Variants in TIPIN observed in about 807,000 individuals in gnomAD.
The protein encoded by TIPIN is TIMELESS-interacting protein.
In TIPIN, 29 loss-of-function variants were observed where a neutral mutation model predicts 35.6. The observed-to-expected ratio is 0.82, with a 90% confidence interval of 0.61 to 1.11. The LOEUF is 1.11. TIPIN is among the 50% of genes most tolerant of loss of function. The pLI is 0.00. For synonymous variants in TIPIN, 102 were observed against 121.5 expected (o/e 0.84, Z 1.06); for missense variants, 296 against 345.4 (o/e 0.86, Z 1.13).
chr15:66,383,760 G>A lies in TIPIN; in HGVS notation c.-9+2847C>T, dbSNP rs1292113283. On this transcript the variant is annotated intron_variant, in intron 1 of 7. Transcript: ENST00000562124. ...AGCAGCAGATATGTAGGATGAAGAA[G>A]TCTAGAGATCTAATGTACAACATGA... 5 of 179,446 alleles carry A rather than the reference G, an allele frequency of 2.8e-5. 1 individual carries two copies. The highest frequency in any genetic ancestry group is 5.4e-5 in the Non-Finnish European group (5 of 93,024). 11.1% of individuals were successfully genotyped at this position (179,446 alleles called of 1,614,324 possible). A position where few individuals can be genotyped will look rare whatever the true frequency, so the allele number is the denominator to read the frequency against.
intron 1 of TIPIN, among the ~76,000 whole-genome samples, chr15:66,384,445 C>T (rs1033516915): frequency 1.3e-5 from 2 of 152,026 alleles, no homozygotes; most frequent in Non-Finnish European, 2.9e-5. Context: ...CAGGTGCCCA[C>T]CACCATGCCT....
At position 66,363,535 on chromosome 15, in the gene TIPIN, A is replaced by G. The variant is rs199617394; in HGVS notation, c.-8-10580T>C. On this transcript the variant is annotated intron_variant, in intron 1 of 7. Coordinates refer to the TIPIN transcript ENST00000562124. ...CCGGCACCTGTAGTCCCAGCTACTC[A>G]GGAGGCTGAGGCAGGAGAATGGCGT... is the stretch of plus-strand genomic sequence containing the variant. 5.3e-5 allele frequency among the ~76,000 whole-genome samples: 8 copies of G among 151,464 alleles called. No homozygotes were observed. In the East Asian group the frequency reaches 1.6e-3, roughly 30 times the overall value.
chr15:66,379,849 G>C (rs1339875337), intron 1 of TIPIN: 5 of 1,594,840 alleles, frequency 3.1e-6, no homozygotes, highest in Non-Finnish European at 4.2e-6. Context: ...ATAACTGTGT[G>C]TCCCTTCAGA....
chr15:66,368,085 G>T (rs1204177911), intron 1 of TIPIN, among the ~76,000 whole-genome samples: 2 of 152,020 alleles, frequency 1.3e-5, no homozygotes, highest in East Asian at 1.9e-4. Flanking sequence ...GCCTGCCTCG[G>T]CTTCCCAAAG....
chr15:66,350,341 C>T (rs2093158733), intron 4 of TIPIN, among the ~76,000 whole-genome samples: 1 of 152,134 alleles, frequency 6.6e-6, no homozygotes, highest in Admixed American at 6.6e-5. Flanking sequence ...CGCAGTGTCT[C>T]ACGCCTGTAA....
At chr15:66,362,250 C>T (rs879598193) in intron 1 of TIPIN, among the ~76,000 whole-genome samples, 27 of 151,546 alleles carry the variant, frequency 1.8e-4, no homozygotes, top group African/African-American at 5.6e-4. Context: ...TTGCAGTGAG[C>T]CGAGATTGCG....
At chr15:66,379,837 C>A in intron 1 of TIPIN, 1 of 1,595,974 alleles carries the variant, frequency 6.3e-7, no homozygotes. Flanking sequence ...GGGCCATTCA[C>A]GATAACTGTG....
chr15:66,364,104 G>A (rs907041551), intron 1 of TIPIN, among the ~76,000 whole-genome samples: 2 of 151,396 alleles, frequency 1.3e-5, no homozygotes, highest in Non-Finnish European at 2.9e-5. Context: ...ATGAGATCTC[G>A]GCAGGGACAA....
At chr15:66,377,801 C>T (rs1369392850) in intron 1 of TIPIN, among the ~76,000 whole-genome samples, 1 of 151,832 alleles carries the variant, frequency 6.6e-6, no homozygotes, top group Non-Finnish European at 1.5e-5. Context: ...CTCAGACTCC[C>T]GAGTAGCAGG....
chr15:66,378,370 C>T lies in TIPIN; in HGVS notation c.-9+8237G>A, dbSNP rs181185984. On this transcript the variant is annotated intron_variant, in intron 1 of 7. Coordinates refer to the TIPIN transcript ENST00000562124. ...CAGGCTTGTCTCCATCTCCTGACCT[C>T]GTGATCTGCCTTCCTTGGCCTCCCA... Among the ~76,000 whole-genome samples, 956 of 152,070 alleles carry T rather than the reference C, an allele frequency of 6.3e-3. 7 individuals carry two copies. Among genetic ancestry groups the T allele is most frequent in the Non-Finnish European group, 0.01 (696 of 67,972 alleles).
At chr15:66,361,456 C>G (rs1180696773), upstream of TIPIN, among the ~76,000 whole-genome samples, 7 of 150,600 alleles carry the variant, frequency 4.6e-5, no homozygotes, top group African/African-American at 1.7e-4. Context: ...GGGGTTTCAC[C>G]GTGTTAGCCA....
chr15:66,346,486 A>T, intron 6 of TIPIN, among the ~76,000 whole-genome samples: 1 of 151,988 alleles, frequency 6.6e-6, no homozygotes, highest in East Asian at 1.9e-4. Context: ...AGGGACATGT[A>T]ACTATGCTCT....
chr15:66,372,563 A>AACGTTTTG (rs1283573085), intron 1 of TIPIN, among the ~76,000 whole-genome samples: 1 of 152,210 alleles, frequency 6.6e-6, no homozygotes, highest in African/African-American at 2.4e-5. Context: ...ATCACATAAA[A>AACGTTTTG]ACGTTTTGGT....
chr15:66,385,588 C>T (rs1399391573), intron 1 of TIPIN, among the ~76,000 whole-genome samples: 1 of 151,838 alleles, frequency 6.6e-6, no homozygotes, highest in Non-Finnish European at 1.5e-5. Context: ...CTCCCGAGTT[C>T]AAGCAATTCT....
At chr15:66,351,723 G>A (rs908822727) in intron 3 of TIPIN, 123 bp from the exon 4 acceptor site, 31 of 752,104 alleles carry the variant, frequency 4.1e-5, no homozygotes, top group Non-Finnish European at 6.0e-5. Context: ...CTGCAAGCTC[G>A]GCCTCCCCCA....
exon 1 of TIPIN, chr15:66,386,657 C>T: frequency 5.7e-6 from 1 of 176,906 alleles, no homozygotes; most frequent in Non-Finnish European, 1.2e-5. Context: ...CACCACACAG[C>T]GACACAGACT....
At chr15:66,366,478 G>A (rs2093254757) in intron 1 of TIPIN, among the ~76,000 whole-genome samples, 1 of 150,990 alleles carries the variant, frequency 6.6e-6, no homozygotes, top group East Asian at 1.9e-4. Context: ...ATTAAGCTGG[G>A]TGCAGTGGCT....
intron 1 of TIPIN, among the ~76,000 whole-genome samples, chr15:66,355,935 T>TG (rs1462081908): frequency 2.6e-5 from 4 of 152,024 alleles, no homozygotes; most frequent in Non-Finnish European, 4.4e-5. Flanking sequence ...GTCAGGAAAC[T>TG]GGTATTTCTT....
chr15:66,375,178 C>T (rs1016071208), intron 1 of TIPIN, among the ~76,000 whole-genome samples: 2 of 152,042 alleles, frequency 1.3e-5, no homozygotes, highest in African/African-American at 4.8e-5. Context: ...ACTCAGGAGG[C>T]TGAGGTGAGA....
Sources: gnomAD v4.1 joint callset for allele counts (sites outside exome capture counted in the v4.1 genomes callset) on GRCh38, gnomAD v4.1.1 for gene constraint, MANE v1.5 for transcripts, NCBI Gene and HGNC (gene_info 2026-07-23, HGNC 2026-07-21) for gene names.